DRICH1: variants seen among roughly 807,000 people sequenced by gnomAD.
DRICH1 encodes the protein aspartate rich 1, also known as aspartate-rich protein 1.
Under a neutral mutation model 39.5 loss-of-function variants are expected in DRICH1, and 38 were observed. The ratio of observed to expected loss-of-function variants is 0.96; its 90% CI spans 0.74 to 1.26. DRICH1 has a LOEUF of 1.26. Among genes scored for constraint, DRICH1 ranks in the 50% most tolerant of loss-of-function variants. The pLI is 0.00. For missense variants in DRICH1, 279 were observed against 270.4 expected, an observed-to-expected ratio of 1.03 and a Z score of -0.22; for synonymous variants, 84 against 99.5, an observed-to-expected ratio of 0.84 and a Z score of 0.93.
chr22:23,612,474 AAAAAAAAG>A lies in DRICH1; in HGVS notation c.685+807_685+814del, dbSNP rs1290281257. On this transcript the variant is annotated intron_variant, in intron 11 of 11. Coordinates refer to ENST00000317749, the MANE Select transcript of DRICH1 (RefSeq NM_016449.4). ...AGAGCGAGACTCCATCTCAAAAAAA[AAAAAAAAG>A]AAAAAAAAAAGTCTAGAACTTAAGT... Among the ~76,000 whole-genome samples, 4 of 135,494 alleles carry A rather than the reference AAAAAAAAG, an allele frequency of 3.0e-5. No individual in the cohort carries two copies. In the East Asian group the frequency reaches 5.9e-4, roughly 20 times the overall value. The allele number at this position is 135,494 out of a possible 152,430, so 88.9% of individuals were successfully genotyped here.
At position 23,614,161 on chromosome 22, in the gene DRICH1, C is replaced by T; in HGVS notation, c.595G>A (p.Glu199Lys). 1.2e-6 allele frequency: 2 copies of T among 1,613,764 alleles called. No homozygotes were observed. The highest frequency in any genetic ancestry group is 1.7e-6 in the Non-Finnish European group (2 of 1,179,624). Reference sequence around the variant, plus strand: ...TGGATGTCATCATCATCTTCTTCTTCTTCATCTTTGTGTCTCAGTGAGCAT... The same window carrying T: ...TGGATGTCATCATCATCTTCTTCTTTTTCATCTTTGTGTCTCAGTGAGCAT... ...LRCSLRHKDE[E>K]EEDDDDIHIT... Residue 199 changes from glutamate (E) to lysine (K), a missense_variant, in exon 9 of 12, where the codon GAA becomes AAA. Transcript: ENST00000317749.
chr22:23,617,213 C>T (rs1272065234), intron 7 of DRICH1, among the ~76,000 whole-genome samples: 2 of 152,136 alleles, frequency 1.3e-5, no homozygotes, highest in Non-Finnish European at 2.9e-5. Context: ...AAAAGAAACT[C>T]CCACTGAACT....
At chr22:23,621,426 A>T (rs1015509338) in intron 4 of DRICH1, among the ~76,000 whole-genome samples, 1 of 152,034 alleles carries the variant, frequency 6.6e-6, no homozygotes. Context: ...ACCATAAAAA[A>T]AAAAATACCT....
chr22:23,612,574 A>G (rs1169664436), intron 11 of DRICH1, among the ~76,000 whole-genome samples: 4 of 152,072 alleles, frequency 2.6e-5, no homozygotes, highest in African/African-American at 9.7e-5. Flanking sequence ...GTGTGATACT[A>G]TCTTTTGTGG....
chr22:23,608,629 T>C lies in DRICH1; in HGVS notation c.*135A>G. On this transcript the variant is annotated 3_prime_UTR_variant, in exon 12 of 12. Coordinates refer to ENST00000317749, the MANE Select transcript of DRICH1 (RefSeq NM_016449.4). ...TGGGTGGGAAGCAGCCTTGGACTTT[T>C]TCTCTCTGCTGGGACCAAGAGTTTT... 1.1e-6 allele frequency: 1 copy of C among 932,886 alleles called. No individual in the cohort carries two copies. Among genetic ancestry groups the C allele is most frequent in the Non-Finnish European group, 1.7e-6 (1 of 595,596 alleles). 57.8% of individuals were successfully genotyped at this position (932,886 alleles called of 1,614,324 possible). A position where few individuals can be genotyped will look rare whatever the true frequency, so the allele number is the denominator to read the frequency against.
chr22:23,620,920 G>C (rs1027330977), intron 4 of DRICH1, among the ~76,000 whole-genome samples: 2 of 152,302 alleles, frequency 1.3e-5, no homozygotes, highest in South Asian at 2.1e-4. Flanking sequence ...CATTACAGTA[G>C]ATGATGGACA....
intron 11 of DRICH1, among the ~76,000 whole-genome samples, chr22:23,612,686 A>G (rs1927110990): frequency 6.6e-6 from 1 of 152,090 alleles, no homozygotes; most frequent in African/African-American, 2.4e-5. Flanking sequence ...AAAAGTGCTC[A>G]AGGTCAAACT....
At chr22:23,592,133 C>T in the DRICH1 span, among the ~76,000 whole-genome samples, 2 of 152,156 alleles carry the variant, frequency 1.3e-5, no homozygotes, top group South Asian at 2.1e-4. Flanking sequence ...GGTCCAGAGA[C>T]GGGAGCCAGA....
At chr22:23,595,624 C>T in the DRICH1 span, among the ~76,000 whole-genome samples, 111,109 of 152,084 alleles carry the variant, frequency 0.73, 40,119 homozygotes, top group Non-Finnish European at 0.79. Flanking sequence ...AATCAATAAA[C>T]AGACACACAT....
At chr22:23,599,555 A>G in the DRICH1 span, among the ~76,000 whole-genome samples, 4 of 152,172 alleles carry the variant, frequency 2.6e-5, no homozygotes, top group Non-Finnish European at 5.9e-5. Context: ...TATGGCAGAC[A>G]GGTTCTAGGG....
rs181381757 is a variant in DRICH1, at chr22:23,613,708, C to T, written c.622-48G>A. 1,031 of 1,375,004 alleles carry T rather than the reference C, an allele frequency of 7.5e-4. 4 individuals are homozygous for T. Among genetic ancestry groups the T allele is most frequent in the African/African-American group, 7.1e-3 (497 of 69,834 alleles). 85.2% of individuals were successfully genotyped at this position (1,375,004 alleles called of 1,614,324 possible). Reference sequence around the variant, plus strand: ...ATTATGAAAATCAGATTCTGCTGTGCGCTTCACACAGATCTGTTATTCTCT... The same window carrying T: ...ATTATGAAAATCAGATTCTGCTGTGTGCTTCACACAGATCTGTTATTCTCT... On this transcript the variant is annotated intron_variant, in intron 9 of 11. Transcript: ENST00000317749.
the DRICH1 span, among the ~76,000 whole-genome samples, chr22:23,592,937 C>T: frequency 3.2e-4 from 49 of 151,138 alleles, no homozygotes; most frequent in Admixed American, 3.1e-3. Flanking sequence ...GAGGCTGAGG[C>T]AGGAGAATTC....
the DRICH1 span, among the ~76,000 whole-genome samples, chr22:23,584,101 G>GGGGCT: frequency 6.6e-6 from 1 of 152,180 alleles, no homozygotes; most frequent in Non-Finnish European, 1.5e-5. Flanking sequence ...GGGACCCTGC[G>GGGGCT]GGGCTGGGCT....
intron 11 of DRICH1, among the ~76,000 whole-genome samples, chr22:23,610,857 G>A (rs936683787): frequency 6.8e-6 from 1 of 146,874 alleles, no homozygotes; most frequent in Non-Finnish European, 1.5e-5. Context: ...GTGGTTGACT[G>A]TATCTAATTT....
chr22:23,591,974 A>G, the DRICH1 span, among the ~76,000 whole-genome samples: 2 of 152,120 alleles, frequency 1.3e-5, no homozygotes, highest in African/African-American at 4.8e-5. Flanking sequence ...CCCATGTTAC[A>G]GTAGCTAACA....
At chr22:23,624,530 G>C (rs1299398704) in intron 3 of DRICH1, among the ~76,000 whole-genome samples, 1 of 152,012 alleles carries the variant, frequency 6.6e-6, no homozygotes, top group African/African-American at 2.4e-5. Flanking sequence ...TGTTTTATTA[G>C]ACCCCATCTG....
chr22:23,589,921 G>A, the DRICH1 span, among the ~76,000 whole-genome samples: 1 of 152,170 alleles, frequency 6.6e-6, no homozygotes, highest in African/African-American at 2.4e-5. Context: ...GGCTCTCAGT[G>A]CTCCAGACAT....
At position 23,624,834 on chromosome 22, in the gene DRICH1, A is replaced by AAGCTAGC. The variant is rs768202391; in HGVS notation, c.298+42_298+48dup. 4 of 1,595,130 alleles carry AAGCTAGC rather than the reference A, an allele frequency of 2.5e-6. No individual in the cohort carries two copies. The South Asian group carries it at 4.4e-5, about 18-fold the overall frequency. On this transcript the variant is annotated intron_variant, in intron 3 of 11. Coordinates refer to ENST00000317749, the MANE Select transcript of DRICH1 (RefSeq NM_016449.4). The stretch of plus-strand genomic sequence containing the variant: ...TCCAGATTAAGGTTTCTATATATTA[A>AAGCTAGC]AGCTAGCAAGTTTGTTTCTCAGAAA...
chr22:23,603,628 C>CACT (rs1364300327), downstream of DRICH1, among the ~76,000 whole-genome samples: 1 of 152,166 alleles, frequency 6.6e-6, no homozygotes, highest in African/African-American at 2.4e-5. Context: ...TCTCCACTGG[C>CACT]ACTGCTGCCT....
Sources: gnomAD v4.1 joint callset for allele counts (sites outside exome capture counted in the v4.1 genomes callset) on GRCh38, gnomAD v4.1.1 for gene constraint, MANE v1.5 for transcripts, NCBI Gene and HGNC (gene_info 2026-07-23, HGNC 2026-07-21) for gene names.